LRRC7: variants seen among roughly 807,000 people sequenced by gnomAD.
LRRC7 encodes leucine rich repeat containing 7.
A neutral mutation model predicts 175.7 loss-of-function variants in LRRC7; 23 were observed. That is an observed-to-expected ratio of 0.13 (90% CI 0.09 to 0.19). The LOEUF is 0.19. Among genes scored for constraint, LRRC7 ranks in the 10% least tolerant of loss-of-function variants. The pLI, the probability that LRRC7 is intolerant of heterozygous loss-of-function variation, is 1.00. For missense variants in LRRC7, 1,354 were observed against 1,904.7 expected, an observed-to-expected ratio of 0.71 and a Z score of 5.38; for synonymous variants, 685 against 680.9, an observed-to-expected ratio of 1.01 and a Z score of -0.09.
At chr1:69,767,645 T>G (rs1421911162) in intron 3 of LRRC7, among the ~76,000 whole-genome samples, 1 of 152,020 alleles carries the variant, frequency 6.6e-6, no homozygotes, top group East Asian at 1.9e-4. Flanking sequence ...GAAGTGGTAC[T>G]ATGTTCTTCG....
intron 23 of LRRC7, 122 bp downstream of exon 23, chr1:70,053,267 T>C: frequency 1.0e-5 from 9 of 903,476 alleles, no homozygotes; most frequent in Non-Finnish European, 1.4e-5. Context: ...GTAAATATTA[T>C]GCTACTACAC....
intron 1 of LRRC7, among the ~76,000 whole-genome samples, chr1:69,613,989 T>C (rs189851536): frequency 9.9e-5 from 15 of 152,110 alleles, no homozygotes; most frequent in Admixed American, 9.8e-4. Flanking sequence ...ATAATAATAT[T>C]TATCTATCCT....
chr1:69,910,839 G>A (rs993986955), intron 7 of LRRC7, among the ~76,000 whole-genome samples: 1 of 152,200 alleles, frequency 6.6e-6, no homozygotes, highest in Non-Finnish European at 1.5e-5. Flanking sequence ...TTGAGCTGTG[G>A]TGGGCTCCAC....
intron 5 of LRRC7, among the ~76,000 whole-genome samples, chr1:69,829,380 C>T (rs2101278941): frequency 6.6e-6 from 1 of 151,872 alleles, no homozygotes; most frequent in East Asian, 1.9e-4. Flanking sequence ...TGGGTGGGCA[C>T]ATGTGATAAT....
chr1:69,596,171 A>T (rs990418368), intron 1 of LRRC7, among the ~76,000 whole-genome samples: 7 of 152,126 alleles, frequency 4.6e-5, no homozygotes, highest in African/African-American at 1.7e-4. Flanking sequence ...CACCAGCGTT[A>T]TTCTAACCAG....
chr1:70,102,730 A>G (rs145647679), intron 25 of LRRC7, among the ~76,000 whole-genome samples: 53 of 152,276 alleles, frequency 3.5e-4, no homozygotes, highest in Non-Finnish European at 6.6e-4. Context: ...CCATTGTTCT[A>G]TTTTATATGG....
At chr1:69,684,546 C>T (rs1051563608) in intron 2 of LRRC7, among the ~76,000 whole-genome samples, 3 of 152,112 alleles carry the variant, frequency 2.0e-5, no homozygotes, top group African/African-American at 7.2e-5. Context: ...AAGCTAAACA[C>T]TCTGGAAAAA....
chr1:70,083,804 C>G (rs1473505052), intron 24 of LRRC7, among the ~76,000 whole-genome samples: 2 of 152,112 alleles, frequency 1.3e-5, no homozygotes, highest in Non-Finnish European at 2.9e-5. Flanking sequence ...AGTCTACACT[C>G]AATCCACAGC....
chr1:70,062,002 G>A (rs531072015), intron 23 of LRRC7, among the ~76,000 whole-genome samples: 2 of 152,240 alleles, frequency 1.3e-5, no homozygotes, highest in South Asian at 4.1e-4. Context: ...GGAGAGGTAG[G>A]TAGATGAAAA....
intron 23 of LRRC7, among the ~76,000 whole-genome samples, chr1:70,070,362 C>T (rs569112940): frequency 1.2e-4 from 18 of 152,140 alleles, no homozygotes; most frequent in African/African-American, 4.1e-4. Flanking sequence ...AGTGTGTGTG[C>T]GTAATTGATC....
chr1:69,936,729 CT>C (rs1648076093), intron 8 of LRRC7, among the ~76,000 whole-genome samples: 1 of 152,094 alleles, frequency 6.6e-6, no homozygotes, highest in Non-Finnish European at 1.5e-5. Context: ...TACCCTCCAC[CT>C]TCAGGTAGGA....
intron 7 of LRRC7, among the ~76,000 whole-genome samples, chr1:69,927,964 G>A: frequency 6.6e-6 from 1 of 152,064 alleles, no homozygotes; most frequent in East Asian, 1.9e-4. Context: ...CTTTGATGAT[G>A]GTGATGTACA....
chr1:70,031,959 C>T (rs1658780253), intron 18 of LRRC7, among the ~76,000 whole-genome samples: 2 of 152,042 alleles, frequency 1.3e-5, no homozygotes, highest in African/African-American at 4.8e-5. Context: ...CCAGCACAGC[C>T]AGCTCATTTT....
In LRRC7 at chr1:70,141,067, A is replaced by T. The variant is rs992623126; in HGVS notation, c.*19180A>T. ...CAGATTTTCCTCTAATGAGTAGTTA[A>T]GTGGCACAGGAGGAGAGGCCAAGGA... On this transcript the variant is annotated 3_prime_UTR_variant, in exon 27 of 27. Coordinates refer to ENST00000651989, the MANE Select transcript of LRRC7 (RefSeq NM_001370785.2). Among the ~76,000 whole-genome samples the T allele has an allele frequency of 5.9e-5, 9 of 152,134 alleles. No homozygotes were observed. Among genetic ancestry groups the T allele is most frequent in the Non-Finnish European group, 1.2e-4 (8 of 67,996 alleles).
chr1:69,721,223 A>G (rs1291208623), intron 2 of LRRC7, among the ~76,000 whole-genome samples: 2 of 151,874 alleles, frequency 1.3e-5, no homozygotes, highest in Non-Finnish European at 2.9e-5. Flanking sequence ...GCATTACCAT[A>G]TAGTTATTAC....
At position 70,143,940 on chromosome 1, in the gene LRRC7, ATATT is replaced by A. The variant is rs1375549277; in HGVS notation, c.*22056_*22059del. ...GATGTAAATAAAACTGAATGAAGAC[ATATT>A]TACTACTTTATTAACATAGATCGTG... On this transcript the variant is annotated 3_prime_UTR_variant, in exon 27 of 27. Coordinates refer to ENST00000651989, the MANE Select transcript of LRRC7 (RefSeq NM_001370785.2). 5 of 152,240 alleles carry A rather than the reference ATATT, an allele frequency of 3.3e-5. No homozygotes were observed. Among genetic ancestry groups the A allele is most frequent in the African/African-American group, 1.2e-4 (5 of 41,466 alleles). 9.4% of individuals were successfully genotyped at this position (152,240 alleles called of 1,614,324 possible). A position where few individuals can be genotyped will look rare whatever the true frequency, so the allele number is the denominator to read the frequency against.
rs1491424664 is a variant in LRRC7 at position 70,125,811 on chromosome 1, A to AGAGAG, written c.*3924_*3925insGAGAG. 2.7e-5 allele frequency among the ~76,000 whole-genome samples: 4 copies of AGAGAG among 150,088 alleles called. No individual in the cohort carries two copies. Among genetic ancestry groups the AGAGAG allele is most frequent in the East Asian group, 1.9e-4 (1 of 5,154 alleles). On this transcript the variant is annotated 3_prime_UTR_variant, in exon 27 of 27. Coordinates refer to ENST00000651989, the MANE Select transcript of LRRC7 (RefSeq NM_001370785.2). Reference sequence around the variant, plus strand: ...CGTCTCAAAAAAAAAAAAAAAAAAAAAGAGAAGATTCAGAGGGGAGAAAAC... The same window carrying AGAGAG: ...CGTCTCAAAAAAAAAAAAAAAAAAAAGAGAGAGAGAAGATTCAGAGGGGAGAAAAC...
At chr1:69,895,189 G>A (rs377598795) in intron 7 of LRRC7, among the ~76,000 whole-genome samples, 11 of 152,220 alleles carry the variant, frequency 7.2e-5, no homozygotes, top group South Asian at 2.1e-4. Context: ...CCAAGATTGC[G>A]CCATTGCACT....
At chr1:69,819,571 CTCTCTCTGTGTG>C (rs1679004865) in intron 4 of LRRC7, among the ~76,000 whole-genome samples, 1 of 130,556 alleles carries the variant, frequency 7.7e-6, no homozygotes, top group African/African-American at 3.6e-5. Context: ...CTCTCTCTCT[CTCTCTCTGTGTG>C]TGTGTGTGTG....
Sources: gnomAD v4.1 joint callset for allele counts (sites outside exome capture counted in the v4.1 genomes callset) on GRCh38, gnomAD v4.1.1 for gene constraint, MANE v1.5 for transcripts, NCBI Gene and HGNC (gene_info 2026-07-23, HGNC 2026-07-21) for gene names.